CILK1: variants seen among roughly 807,000 people sequenced by gnomAD.
The protein encoded by CILK1 is ciliogenesis associated kinase 1.
CILK1 carries 47 observed loss-of-function variants against 79.2 expected under a neutral mutation model. The ratio of observed to expected loss-of-function variants is 0.59; its 90% CI spans 0.47 to 0.76. CILK1 has a LOEUF of 0.76. CILK1 is among the 30% of genes least tolerant of loss of function. CILK1 has a pLI of 0.00. For synonymous variants in CILK1, 266 were observed against 275.9 expected, an observed-to-expected ratio of 0.96 and a Z score of 0.36; for missense variants, 660 against 769.5, an observed-to-expected ratio of 0.86 and a Z score of 1.68.
rs1421720018 is a variant in CILK1 at position 53,013,813 on chromosome 6, G to C, written c.1001C>G (p.Ser334Cys). 6.2e-7 allele frequency: 1 copy of C among 1,613,772 alleles called. No individual in the cohort carries two copies. The highest frequency in any genetic ancestry group is 1.3e-5 in the African/African-American group (1 of 74,888). ...CTGGCTGGCTTGATGCTGTCGTGAA[G>C]AAATTCGTGTGTGTGGCTTGGCTGG... Reference protein sequence around the residue: ...QPPAKPHTRISSRQHQASQPP... With the variant: ...QPPAKPHTRICSRQHQASQPP... Residue 334 changes from serine (S) to cysteine (C), a missense_variant, in exon 9 of 14, where the codon TCT becomes TGT. Ser to Cys is a moderately radical substitution (Grantham distance 112). Transcript: ENST00000676107.
chr6:53,057,176 AG>A (rs1298172877), intron 1 of CILK1, among the ~76,000 whole-genome samples: 2 of 152,210 alleles, frequency 1.3e-5, no homozygotes, highest in Non-Finnish European at 2.9e-5. Flanking sequence ...ATTATACAAT[AG>A]TACTTTCCTT....
intron 1 of CILK1, chr6:53,057,775 TAAG>T (rs1359783543): frequency 5.3e-5 from 8 of 152,178 alleles, no homozygotes; most frequent in East Asian, 1.9e-4. Flanking sequence ...GAGATCCAAC[TAAG>T]AAGAACAGAA....
intron 3 of CILK1, among the ~76,000 whole-genome samples, chr6:53,034,440 T>G (rs950795093): frequency 2.0e-5 from 3 of 152,206 alleles, no homozygotes; most frequent in African/African-American, 7.2e-5. Context: ...GCATCTTATT[T>G]TGGCTCAGGA....
chr6:53,034,054 T>G (rs1178677045), intron 3 of CILK1, among the ~76,000 whole-genome samples: 1 of 152,250 alleles, frequency 6.6e-6, no homozygotes, highest in Non-Finnish European at 1.5e-5. Flanking sequence ...AAACATTGCT[T>G]AACTTGTAAG....
chr6:53,011,617 G>T, intron 11 of CILK1, 152 bp downstream of exon 11: 2 of 834,936 alleles, frequency 2.4e-6, no homozygotes, highest in Non-Finnish European at 2.0e-6. Context: ...AGTGAGGCTT[G>T]GGCTTCAGCA....
chr6:53,007,289 G>A (rs1023874862), intron 12 of CILK1, among the ~76,000 whole-genome samples: 2 of 152,220 alleles, frequency 1.3e-5, no homozygotes, highest in Non-Finnish European at 2.9e-5. Flanking sequence ...ACACAGTCTA[G>A]AATGCCTGCG....
At position 53,012,140 on chromosome 6, in the gene CILK1, C is replaced by A. The variant is rs765969559; in HGVS notation, c.1240G>T (p.Asp414Tyr). The change falls in exon 10 of 14, where the codon GAT becomes TAT. Residue 414 changes from aspartate to tyrosine, a missense_variant. Coordinates refer to ENST00000676107, the MANE Select transcript of CILK1 (RefSeq NM_014920.5). ...TCCAAGTCAGCCCAATCATCTGAAT[C>A]CTTTGTTGACCTGGAAATAAGACCC... ...RWGLISRSTKDSDDWADLDDL... is the reference protein window; with the variant it reads ...RWGLISRSTKYSDDWADLDDL... The A allele has an allele frequency of 2.5e-6, 4 of 1,614,042 alleles. No individual in the cohort carries two copies. Among genetic ancestry groups the A allele is most frequent in the Non-Finnish European group, 3.4e-6 (4 of 1,180,034 alleles).
intron 13 of CILK1, 116 bp downstream of exon 13, chr6:53,006,199 T>G (rs1764210871): frequency 1.1e-6 from 1 of 926,278 alleles, no homozygotes; most frequent in African/African-American, 1.7e-5. Context: ...TTATTGTCTG[T>G]AGAGTGCAAG....
chr6:53,018,557 T>A, intron 6 of CILK1, 56 bp from the exon 7 acceptor site: 1 of 1,524,502 alleles, frequency 6.6e-7, no homozygotes, highest in Non-Finnish European at 9.1e-7. Flanking sequence ...GACATTAAAT[T>A]AAATAACAAT....
rs975239552 is a variant in CILK1, at chr6:53,003,051, G to T, written c.*2098C>A. 3 of 152,564 alleles carry T rather than the reference G, an allele frequency of 2.0e-5. No individual in the cohort carries two copies. The highest frequency in any genetic ancestry group is 6.5e-5 in the Admixed American group (1 of 15,276). The allele number at this position is 152,564 out of a possible 1,614,324, so 9.5% of individuals were successfully genotyped here. Reference sequence around the variant, plus strand: ...AATAAATATTAACCTTATAGTAAAGGACTCATCTCTGAAAACACATGTTCT... The same window carrying T: ...AATAAATATTAACCTTATAGTAAAGTACTCATCTCTGAAAACACATGTTCT... On this transcript the variant is annotated 3_prime_UTR_variant, in exon 14 of 14. Transcript: ENST00000676107.
At chr6:53,048,409 T>A (rs964159607) in intron 1 of CILK1, among the ~76,000 whole-genome samples, 1 of 152,196 alleles carries the variant, frequency 6.6e-6, no homozygotes, top group Non-Finnish European at 1.5e-5. Context: ...TTCACATTAG[T>A]GAATTATTTC....
rs1764746996 is a variant in CILK1, at chr6:53,013,959, T to C, written c.855A>G (p.Gln285=). ...ASQALRYPYF[Q]VGHPLGSTTQ... Reference sequence around the variant, plus strand: ...TGGTGCTGCCTAGTGGGTGTCCAACTTGGAAGTAAGGATATCGAAGTGCCT... The same window carrying C: ...TGGTGCTGCCTAGTGGGTGTCCAACCTGGAAGTAAGGATATCGAAGTGCCT... The change falls in exon 9 of 14, where the codon CAA becomes CAG. Residue 285 remains glutamine (Q), a synonymous_variant. Coordinates refer to ENST00000676107, the MANE Select transcript of CILK1 (RefSeq NM_014920.5). The C allele has an allele frequency of 6.2e-7, 1 of 1,614,042 alleles. No homozygotes were observed. Among genetic ancestry groups the C allele is most frequent in the Non-Finnish European group, 8.5e-7 (1 of 1,179,976 alleles).
rs1764148402 is a variant in CILK1, at chr6:53,005,212, A to G, written c.1836T>C (p.Pro612=). The change falls in exon 14 of 14, where the codon CCT becomes CCC. Residue 612 remains proline, a synonymous_variant. Coordinates refer to ENST00000676107, the MANE Select transcript of CILK1 (RefSeq NM_014920.5). ...GGCCATGCACTGGCTGGGCGGCTGG[A>G]GGCCGTGGTATCAACCCAGGAGTGC... ...PRSTPGLIPR[P]PAAQPVHGRT... is the part of the protein sequence containing the mutation. The G allele has an allele frequency of 1.2e-6, 2 of 1,614,196 alleles. No homozygotes were observed. The highest frequency in any genetic ancestry group is 1.7e-6 in the Non-Finnish European group (2 of 1,180,024).
intron 1 of CILK1, among the ~76,000 whole-genome samples, chr6:53,047,464 CTTTTTTTTTTTT>C (rs60611050): frequency 1.1e-4 from 8 of 70,746 alleles, no homozygotes; most frequent in Non-Finnish European, 1.9e-4. Context: ...CACTACCAGG[CTTTTTTTTTTTT>C]TTTTTTTTTA....
At chr6:53,010,406 C>T (rs1467596058) in intron 11 of CILK1, among the ~76,000 whole-genome samples, 1 of 152,222 alleles carries the variant, frequency 6.6e-6, no homozygotes, top group African/African-American at 2.4e-5. Context: ...ACCTGGATGA[C>T]AGCTACAGCT....
At position 53,004,771 on chromosome 6, in the gene CILK1, T is replaced by A. The variant is rs1033320951; in HGVS notation, c.*378A>T. On this transcript the variant is annotated 3_prime_UTR_variant, in exon 14 of 14. Transcript: ENST00000676107. ...TGTTGCAATACTGCATTAATATTATTACATTTTTCAAAATCTGTAGAAAAT... is the reference window on the plus strand; with the variant it reads ...TGTTGCAATACTGCATTAATATTATAACATTTTTCAAAATCTGTAGAAAAT... The A allele has an allele frequency of 9.1e-6, 2 of 219,546 alleles. No individual in the cohort carries two copies. Among genetic ancestry groups the A allele is most frequent in the Non-Finnish European group, 1.8e-5 (2 of 108,538 alleles). The allele number at this position is 219,546 out of a possible 1,614,324, so 13.6% of individuals were successfully genotyped here.
In CILK1 at chr6:53,005,193, G is replaced by A. The variant is rs1764146100; in HGVS notation, c.1855C>T (p.His619Tyr). Residue 619 changes from histidine to tyrosine, a missense_variant, in exon 14 of 14, where the codon CAT becomes TAT. Transcript: ENST00000676107. Reference protein sequence around the residue: ...IPRPPAAQPVHGRTDWASKYA... With the variant: ...IPRPPAAQPVYGRTDWASKYA... ...TTGGAAGCCCAGTCTGTCCGGCCATGCACTGGCTGGGCGGCTGGAGGCCGT... is the reference window on the plus strand; with the variant it reads ...TTGGAAGCCCAGTCTGTCCGGCCATACACTGGCTGGGCGGCTGGAGGCCGT... The A allele has an allele frequency of 5.0e-6, 8 of 1,614,100 alleles. No homozygotes were observed. In the South Asian group the frequency reaches 8.8e-5, roughly 18 times the overall value.
chr6:53,056,465 T>C (rs1267687266), intron 1 of CILK1, among the ~76,000 whole-genome samples: 1 of 152,086 alleles, frequency 6.6e-6, no homozygotes, highest in African/African-American at 2.4e-5. Flanking sequence ...TGTGTTCCAG[T>C]ACAAATTTAT....
chr6:53,017,418 T>C (rs771176395), intron 7 of CILK1, among the ~76,000 whole-genome samples: 19 of 152,152 alleles, frequency 1.2e-4, no homozygotes, highest in Non-Finnish European at 1.8e-4. Flanking sequence ...ATGTGACAGA[T>C]ATCACTCAGG....
Sources: allele counts gnomAD v4.1 joint callset (sites outside exome capture counted in the v4.1 genomes callset), GRCh38; gene constraint gnomAD v4.1.1; transcripts MANE v1.5; gene names NCBI Gene and HGNC (gene_info 2026-07-23, HGNC 2026-07-21).